The following SCAI variants were observed in gnomAD, a reference collection of about 807,000 sequenced individuals.
The protein encoded by SCAI is protein SCAI.
In SCAI, 24 loss-of-function variants were observed where a neutral mutation model predicts 92.2. The observed-to-expected ratio is 0.26, with a 90% CI of 0.19 to 0.37. The LOEUF (loss-of-function observed/expected upper bound fraction) is 0.37. Among genes scored for constraint, SCAI ranks in the 10% least tolerant of loss-of-function variants. SCAI has a pLI of 1.00. For missense variants in SCAI, 450 were observed against 736.2 expected (o/e 0.61, Z 4.50); for synonymous variants, 261 against 258.6 (o/e 1.01, Z -0.09).
intron 12 of SCAI, among the ~76,000 whole-genome samples, chr9:125,000,728 T>C (rs1832341763): frequency 6.6e-6 from 1 of 152,132 alleles, no homozygotes; most frequent in Non-Finnish European, 1.5e-5. Flanking sequence ...AATATTTGAA[T>C]AGAATTTGAA....
chr9:125,019,060 G>C (rs774515014), intron 8 of SCAI, 47 bp downstream of exon 8: 3 of 1,513,558 alleles, frequency 2.0e-6, no homozygotes, highest in Non-Finnish European at 2.7e-6. Context: ...TAAACTACAC[G>C]GTCATTTATT....
intron 9 of SCAI, among the ~76,000 whole-genome samples, chr9:125,007,852 C>CT (rs111813442): frequency 1.1e-3 from 159 of 145,802 alleles, no homozygotes; most frequent in Admixed American, 1.2e-3. Flanking sequence ...TTTTCTTTTT[C>CT]TTTTTTTTTT....
chr9:125,109,843 C>A (rs571950408), intron 2 of SCAI, among the ~76,000 whole-genome samples: 144 of 152,206 alleles, frequency 9.5e-4, no homozygotes, highest in Middle Eastern at 3.4e-3. Context: ...CGCACCACCA[C>A]GCCCAGCTAA....
At chr9:124,962,595 C>A (rs1473708045) in intron 17 of SCAI, among the ~76,000 whole-genome samples, 1 of 152,068 alleles carries the variant, frequency 6.6e-6, no homozygotes, top group African/African-American at 2.4e-5. Context: ...CACAGATTTT[C>A]TTTTCTTTTT....
intron 2 of SCAI, among the ~76,000 whole-genome samples, chr9:125,087,750 A>G (rs772589649): frequency 7.9e-5 from 12 of 152,182 alleles, no homozygotes; most frequent in Non-Finnish European, 1.8e-4. Context: ...AAAACAAGAG[A>G]GAAGAGATAA....
chr9:125,009,993 G>A (rs970913651), intron 9 of SCAI, among the ~76,000 whole-genome samples: 3 of 152,198 alleles, frequency 2.0e-5, no homozygotes, highest in Non-Finnish European at 2.9e-5. Context: ...AGGAGACCAA[G>A]ACCATTCTGG....
At chr9:125,031,111 T>TAG (rs1833064370) in intron 3 of SCAI, among the ~76,000 whole-genome samples, 1 of 152,184 alleles carries the variant, frequency 6.6e-6, no homozygotes, top group South Asian at 2.1e-4. Context: ...GGCTGTCTTG[T>TAG]AGAAACCTTA....
At chr9:125,131,205 A>C (rs958863157) in intron 2 of SCAI, among the ~76,000 whole-genome samples, 5 of 151,600 alleles carry the variant, frequency 3.3e-5, no homozygotes, top group African/African-American at 1.2e-4. Flanking sequence ...CAGGAGTTCA[A>C]CACCAGCCTG....
intron 2 of SCAI, among the ~76,000 whole-genome samples, chr9:125,079,762 TAAA>T (rs111415984): frequency 6.7e-6 from 1 of 148,604 alleles, no homozygotes; most frequent in African/African-American, 2.5e-5. Flanking sequence ...GTTGGTGACT[TAAA>T]AAAAAAAACT....
intron 17 of SCAI, among the ~76,000 whole-genome samples, chr9:124,954,365 C>T (rs1167196427): frequency 6.6e-6 from 1 of 152,158 alleles, no homozygotes; most frequent in Non-Finnish European, 1.5e-5. Flanking sequence ...GGTTAAAAAA[C>T]AAACTGAATA....
At chr9:125,009,755 T>C (rs1262338817) in intron 9 of SCAI, among the ~76,000 whole-genome samples, 1 of 151,518 alleles carries the variant, frequency 6.6e-6, no homozygotes, top group African/African-American at 2.4e-5. Flanking sequence ...TGGGCCACTG[T>C]GATGGCACAT....
At chr9:124,955,166 T>TAA (rs58659477) in intron 17 of SCAI, among the ~76,000 whole-genome samples, 226 of 111,234 alleles carry the variant, frequency 2.0e-3, no homozygotes, top group African/African-American at 6.3e-3. Flanking sequence ...AGACTCCGTC[T>TAA]AAAAAAAAAA....
At chr9:125,102,562 T>C (rs751929362) in intron 2 of SCAI, among the ~76,000 whole-genome samples, 5 of 151,362 alleles carry the variant, frequency 3.3e-5, no homozygotes, top group African/African-American at 4.9e-5. Flanking sequence ...CCTTCAAACA[T>C]GCCAATTTTT....
At chr9:125,083,379 G>C (rs1320620770) in intron 2 of SCAI, among the ~76,000 whole-genome samples, 1 of 152,006 alleles carries the variant, frequency 6.6e-6, no homozygotes, top group African/African-American at 2.4e-5. Flanking sequence ...TTAGCTGGGT[G>C]TGGTGGTGTG....
chr9:125,014,714 G>A (rs1262787946), intron 9 of SCAI, among the ~76,000 whole-genome samples: 9 of 152,166 alleles, frequency 5.9e-5, no homozygotes, highest in East Asian at 1.9e-4. Flanking sequence ...AAAAGAGCCC[G>A]CATCGCCAAG....
At chr9:125,126,870 T>C (rs1056366950) in intron 2 of SCAI, among the ~76,000 whole-genome samples, 1 of 152,212 alleles carries the variant, frequency 6.6e-6, no homozygotes, top group Admixed American at 6.5e-5. Context: ...TGTTTTATTA[T>C]CATGGTACTT....
chr9:125,004,037 G>A (rs557946393), intron 9 of SCAI, among the ~76,000 whole-genome samples: 2 of 152,198 alleles, frequency 1.3e-5, no homozygotes, highest in African/African-American at 2.4e-5. Context: ...TTAGCCGGGT[G>A]TGGTGGTGGA....
intron 15 of SCAI, chr9:124,975,226 C>T: frequency 2.1e-5 from 8 of 389,750 alleles, no homozygotes; most frequent in African/African-American, 4.2e-5. Context: ...ATGTTTTTCC[C>T]TGTTAAACAG....
intron 2 of SCAI, among the ~76,000 whole-genome samples, chr9:125,065,213 G>A (rs117537089): frequency 0.02 from 3,025 of 150,788 alleles, 48 homozygotes; most frequent in Non-Finnish European, 0.031. Flanking sequence ...GACCCACGGG[G>A]GAAAAAAAAC....
Sources: allele counts gnomAD v4.1 joint callset (sites outside exome capture counted in the v4.1 genomes callset), GRCh38; gene constraint gnomAD v4.1.1; transcripts MANE v1.5; gene names NCBI Gene and HGNC (gene_info 2026-07-23, HGNC 2026-07-21).